The following ZNF671 variants were observed in gnomAD, a reference collection of about 807,000 sequenced individuals.
ZNF671 encodes zinc finger protein 671, also known as hypothetical protein FLJ23506.
In ZNF671, 19 loss-of-function variants were observed where a neutral mutation model predicts 16.6. The observed-to-expected ratio is 1.14, with a 90% CI of 0.80 to 1.68. The LOEUF (loss-of-function observed/expected upper bound fraction) is 1.68. ZNF671 is among the 40% of genes most tolerant of loss of function. ZNF671 has a pLI of 0.00. For synonymous variants in ZNF671, 238 were observed against 236.3 expected, an observed-to-expected ratio of 1.01 and a Z score of -0.06; for missense variants, 637 against 659.8, an observed-to-expected ratio of 0.97 and a Z score of 0.38.
chr19:57,723,325 C>G lies in ZNF671; in HGVS notation c.154G>C (p.Glu52Gln). The G allele has an allele frequency of 6.2e-7, 1 of 1,612,568 alleles. No individual in the cohort carries two copies. The highest frequency in any genetic ancestry group is 8.5e-7 in the Non-Finnish European group (1 of 1,179,034). ...CGAGAGAAGTATACAAACACATCCT[C>G]AAAGACCACACAGCCCTGCAACAAA... is the stretch of plus-strand genomic sequence containing the variant. The part of the protein sequence containing the change: ...TDSARGCVVF[E>Q]DVFVYFSREE... The change falls in exon 2 of 4, where the codon GAG becomes CAG. Residue 52 changes from glutamate (E) to glutamine (Q), a missense_variant. Coordinates refer to ENST00000317398, the MANE Select transcript of ZNF671 (RefSeq NM_024833.3).
chr19:57,721,856 G>C, intron 3 of ZNF671, 159 bp from the exon 4 acceptor site: 1 of 997,426 alleles, frequency 1.0e-6, no homozygotes, highest in East Asian at 2.5e-5. Context: ...TTGAGGTAGT[G>C]AGCCTCTGGA....
rs769125668 is a variant in ZNF671, at chr19:57,721,140, TA to T, written c.945del (p.Cys315Ter). ...RIHTGERPYE[C>X]NECGKFFSQS... is the part of the protein sequence containing the mutation. ...TGGCTGAAGAATTTCCCACATTCGTTACACTCATAAGGCCTTTCTCCAGTGT... is the reference window on the plus strand; with the variant it reads ...TGGCTGAAGAATTTCCCACATTCGTTCACTCATAAGGCCTTTCTCCAGTGT... On this transcript the variant is annotated frameshift_variant, in exon 4 of 4. Coordinates refer to ENST00000317398, the MANE Select transcript of ZNF671 (RefSeq NM_024833.3). LOFTEE classifies it low-confidence loss of function (END_TRUNC). 6.2e-7 allele frequency: 1 copy of T among 1,614,210 alleles called. No homozygotes were observed. The highest frequency in any genetic ancestry group is 8.5e-7 in the Non-Finnish European group (1 of 1,180,030).
rs1985806845 is a variant in ZNF671, at chr19:57,720,371, C to T, written c.*110G>A. ...CCAATGGCGGGTAAGGTTCAGCCTC[C>T]AGGGGAAGGCTTTCCTGCATCTGCT... On this transcript the variant is annotated 3_prime_UTR_variant, in exon 4 of 4. Coordinates refer to ENST00000317398, the MANE Select transcript of ZNF671 (RefSeq NM_024833.3). 2 of 1,445,602 alleles carry T rather than the reference C, an allele frequency of 1.4e-6. No homozygotes were observed. The highest frequency in any genetic ancestry group is 1.9e-6 in the Non-Finnish European group (2 of 1,076,548). The allele number at this position is 1,445,602 out of a possible 1,614,324, so 89.5% of individuals were successfully genotyped here.
rs1985930634 is a variant in ZNF671 at position 57,723,065 on chromosome 19, G to A, written c.265+149C>T. ...CAAACCCTTGGCTGCACGGCTTCAGGACTACTCAGCAAGTAGGGAGGACAC... is the reference window on the plus strand; with the variant it reads ...CAAACCCTTGGCTGCACGGCTTCAGAACTACTCAGCAAGTAGGGAGGACAC... On this transcript the variant is annotated intron_variant, in intron 2 of 3. Transcript: ENST00000317398. 4.6e-6 allele frequency: 5 copies of A among 1,086,088 alleles called. No individual in the cohort carries two copies. The East Asian group carries it at 9.8e-5, about 21-fold the overall frequency. The allele number at this position is 1,086,088 out of a possible 1,614,324, so 67.3% of individuals were successfully genotyped here.
chr19:57,721,643 A>G lies in ZNF671; in HGVS notation c.443T>C (p.Val148Ala). The G allele has an allele frequency of 1.2e-6, 2 of 1,614,182 alleles. No individual in the cohort carries two copies. Among genetic ancestry groups the G allele is most frequent in the Non-Finnish European group, 1.7e-6 (2 of 1,180,030 alleles). ...AGTCCTGACCTCTGACACTCCTGCT[A>G]CAAAAATGCTCTGCTCAGAAGATAC... ...EEVSSEQSIF[V>A]AGVSEVRTLM... The change falls in exon 4 of 4, where the codon GTA becomes GCA. Residue 148 changes from valine (V) to alanine (A), a missense_variant. By Grantham distance (64) the Val-to-Ala change is moderately conservative. Coordinates refer to ENST00000317398, the MANE Select transcript of ZNF671 (RefSeq NM_024833.3).
chr19:57,720,699 T>A lies in ZNF671; in HGVS notation c.1387A>T (p.Ile463Phe). The change falls in exon 4 of 4, where the codon ATC (isoleucine) becomes TTC (phenylalanine). Residue 463 changes from isoleucine to phenylalanine, a missense_variant. By Grantham distance (21) the Ile-to-Phe change is conservative (BLOSUM62 0). Transcript: ENST00000317398. ...TTCTGGTGCTGAATGAGTTTGGAGA[T>A]GCAGCTGAAAGCTTTACCACATCTG... is the stretch of plus-strand genomic sequence containing the variant. ...CSRCGKAFSCISKLIQHQKVH... is the reference protein window; with the variant it reads ...CSRCGKAFSCFSKLIQHQKVH... The A allele has an allele frequency of 6.2e-7, 1 of 1,614,252 alleles. No homozygotes were observed. The highest frequency in any genetic ancestry group is 8.5e-7 in the Non-Finnish European group (1 of 1,180,050).
At position 57,723,227 on chromosome 19, in the gene ZNF671, A is replaced by T; in HGVS notation, c.252T>A (p.Leu84=). 2 of 1,612,470 alleles carry T rather than the reference A, an allele frequency of 1.2e-6. No homozygotes were observed. The highest frequency in any genetic ancestry group is 1.7e-6 in the Non-Finnish European group (2 of 1,179,108). ...YHDVMLENFA[L]LASLGIAFSR... is the part of the protein sequence containing the mutation. ...TGAGGACCTTACCCAGTGAGGCTAA[A>T]AGTGCAAAGTTCTCCAGCATCACAT... Residue 84 remains leucine, a synonymous_variant, in exon 2 of 4, where the codon CTT becomes CTA. Transcript: ENST00000317398.
intron 2 of ZNF671, 105 bp downstream of exon 2, chr19:57,723,108 TG>T: frequency 6.9e-7 from 1 of 1,449,372 alleles, no homozygotes; most frequent in Non-Finnish European, 9.3e-7. Context: ...AGCTTAGCCC[TG>T]GCATCTTGAG....
chr19:57,721,631 G>C lies in ZNF671; in HGVS notation c.455C>G (p.Ser152Ter). The C allele has an allele frequency of 6.2e-7, 1 of 1,614,166 alleles. No homozygotes were observed. The highest frequency in any genetic ancestry group is 2.2e-5 in the East Asian group (1 of 44,884). Residue 152 changes from serine to a stop codon, truncating the protein, a stop_gained, in exon 4 of 4, where the codon TCA becomes TGA. Coordinates refer to ENST00000317398, the MANE Select transcript of ZNF671 (RefSeq NM_024833.3). LOFTEE classifies it low-confidence loss of function (END_TRUNC). ...CTCTGCCATGAGAGTCCTGACCTCT[G>C]ACACTCCTGCTACAAAAATGCTCTG... Reference protein sequence around the residue: ...SEQSIFVAGVSEVRTLMAELE... With the variant: ...SEQSIFVAGV
At position 57,720,107 on chromosome 19, in the gene ZNF671, C is replaced by T. The variant is rs1374138826; in HGVS notation, c.*374G>A. On this transcript the variant is annotated 3_prime_UTR_variant, in exon 4 of 4. Transcript: ENST00000317398. ...AGATGGTAGGAGCAGATGGCTCCTG[C>T]CCCAGCAAAGGCCAATAGCCATTTA... 9.1e-6 allele frequency: 2 copies of T among 220,770 alleles called. No homozygotes were observed. Among genetic ancestry groups the T allele is most frequent in the Non-Finnish European group, 1.8e-5 (2 of 109,390 alleles). The allele number at this position is 220,770 out of a possible 1,614,324, so 13.7% of individuals were successfully genotyped here.
chr19:57,727,550 C>T lies in ZNF671; in HGVS notation c.-22G>A. On this transcript the variant is annotated 5_prime_UTR_variant, in exon 1 of 4. In the 5' UTR this introduces an upstream ATG that the reference lacks. Transcript: ENST00000317398. ...ACATCTCCTCCGCGCTTTCCCAACA[C>T]CTCCACCTGCGGCCCACACAAGCGT... 3 of 1,585,330 alleles carry T rather than the reference C, an allele frequency of 1.9e-6. No homozygotes were observed. Among genetic ancestry groups the T allele is most frequent in the Non-Finnish European group, 2.6e-6 (3 of 1,158,998 alleles).
intron 1 of ZNF671, among the ~76,000 whole-genome samples, chr19:57,724,360 G>A (rs1985977715): frequency 6.6e-6 from 1 of 152,162 alleles, no homozygotes; most frequent in Non-Finnish European, 1.5e-5. Flanking sequence ...CTGATTTAAA[G>A]TGAGAGATGT....
chr19:57,723,469 C>T lies in ZNF671; in HGVS notation c.139-129G>A. On this transcript the variant is annotated intron_variant, in intron 1 of 3. Coordinates refer to ENST00000317398, the MANE Select transcript of ZNF671 (RefSeq NM_024833.3). ...TCAGAGATACCAGGCACTAGTACCA[C>T]TGATCCTCACTCTCTCCTGATCACC... 3.9e-6 allele frequency: 4 copies of T among 1,020,074 alleles called. No homozygotes were observed. In the South Asian group the frequency reaches 6.7e-5, roughly 17 times the overall value. The allele number at this position is 1,020,074 out of a possible 1,614,324, so 63.2% of individuals were successfully genotyped here. A position where few individuals can be genotyped will look rare whatever the true frequency, so the allele number is the denominator to read the frequency against.
At position 57,722,147 on chromosome 19, in the gene ZNF671, C is replaced by T. The variant is rs1985897070; in HGVS notation, c.388+169G>A. Reference sequence around the variant, plus strand: ...AGGTGAAGGCCAGAGGTGAGGGTGGCAAGGGGCTAACAAACTAGAAATGAT... The same window carrying T: ...AGGTGAAGGCCAGAGGTGAGGGTGGTAAGGGGCTAACAAACTAGAAATGAT... On this transcript the variant is annotated intron_variant, in intron 3 of 3. Transcript: ENST00000317398. 2.7e-6 allele frequency: 3 copies of T among 1,118,814 alleles called. No homozygotes were observed. The Admixed American group carries it at 7.7e-5, about 29-fold the overall frequency. 69.3% of individuals were successfully genotyped at this position (1,118,814 alleles called of 1,614,324 possible). A position where few individuals can be genotyped will look rare whatever the true frequency, so the allele number is the denominator to read the frequency against.
rs1985870655 is a variant in ZNF671 at position 57,721,468 on chromosome 19, G to A, written c.618C>T (p.Asp206=). ...TGGGCTGGTTCTGGTGCTGGTCAAA[G>A]TCTGTACTGAACCAGAATTGCTTTC... is the stretch of plus-strand genomic sequence containing the variant. The part of the protein sequence containing the change: ...ACGKQFWFST[D]FDQHQNQPNG... Residue 206 remains aspartate (D), a synonymous_variant, in exon 4 of 4, where the codon GAC becomes GAT. Coordinates refer to ENST00000317398, the MANE Select transcript of ZNF671 (RefSeq NM_024833.3). 6.2e-7 allele frequency: 1 copy of A among 1,614,230 alleles called. No homozygotes were observed. Among genetic ancestry groups the A allele is most frequent in the South Asian group, 1.1e-5 (1 of 91,088 alleles).
At chr19:57,724,843 C>G (rs921735489) in intron 1 of ZNF671, among the ~76,000 whole-genome samples, 1 of 152,142 alleles carries the variant, frequency 6.6e-6, no homozygotes, top group African/African-American at 2.4e-5. Context: ...GCATTTGACA[C>G]AGATCTCTAA....
chr19:57,723,341 C>G lies in ZNF671; in HGVS notation c.139-1G>C. ...ACACATCCTCAAAGACCACACAGCCCTGCAACAAAAGGGACAGGAAGGACC... is the reference window on the plus strand; with the variant it reads ...ACACATCCTCAAAGACCACACAGCCGTGCAACAAAAGGGACAGGAAGGACC... On this transcript the variant is annotated splice_acceptor_variant, in intron 1 of 3. Coordinates refer to ENST00000317398, the MANE Select transcript of ZNF671 (RefSeq NM_024833.3). LOFTEE classifies it high-confidence loss of function. 7 of 1,608,712 alleles carry G rather than the reference C, an allele frequency of 4.4e-6. No individual in the cohort carries two copies. Among genetic ancestry groups the G allele is most frequent in the Non-Finnish European group, 5.9e-6 (7 of 1,177,218 alleles).
intron 1 of ZNF671, chr19:57,726,957 T>A: frequency 6.2e-6 from 1 of 160,352 alleles, no homozygotes; most frequent in Non-Finnish European, 1.4e-5. Context: ...TGGAATCCAC[T>A]GCAGTAGCCT....
At position 57,727,596 on chromosome 19, in the gene ZNF671, C is replaced by A. The variant is rs1463740226; in HGVS notation, c.-68G>T. ...AGCGTTACAGAACCCCGGCCAGGGA[C>A]AGCCTGACAGAAACAAAATGTCCGC... On this transcript the variant is annotated 5_prime_UTR_variant, in exon 1 of 4. Coordinates refer to ENST00000317398, the MANE Select transcript of ZNF671 (RefSeq NM_024833.3). The A allele has an allele frequency of 6.5e-7, 1 of 1,537,970 alleles. No individual in the cohort carries two copies. The highest frequency in any genetic ancestry group is 8.8e-7 in the Non-Finnish European group (1 of 1,136,702).
Sources: gnomAD v4.1 joint callset for allele counts (sites outside exome capture counted in the v4.1 genomes callset) on GRCh38, gnomAD v4.1.1 for gene constraint, MANE v1.5 for transcripts, NCBI Gene and HGNC (gene_info 2026-07-23, HGNC 2026-07-21) for gene names.